Variants in RALGAPA1 observed in about 807,000 individuals in gnomAD.
The protein encoded by RALGAPA1 is Ral GTPase activating protein catalytic subunit alpha 1, also known as ral GTPase-activating protein subunit alpha-1.
In RALGAPA1, 52 loss-of-function variants were observed where a neutral mutation model predicts 269.6. That is an observed-to-expected ratio of 0.19 (90% CI 0.15 to 0.24). The LOEUF is 0.24. RALGAPA1 is among the 10% of genes least tolerant of loss of function. RALGAPA1 has a pLI of 1.00. For missense variants in RALGAPA1, 1,917 were observed against 3,013.9 expected, an observed-to-expected ratio of 0.64 and a Z score of 8.52; for synonymous variants, 817 against 1,008.3, an observed-to-expected ratio of 0.81 and a Z score of 3.60.
At position 35,750,701 on chromosome 14, in the gene RALGAPA1, TA is replaced by T. The variant is rs2072601570; in HGVS notation, c.803-12del. On this transcript the variant is annotated splice_polypyrimidine_tract_variant and intron_variant, in intron 8 of 41. Coordinates refer to ENST00000680220, the MANE Select transcript of RALGAPA1 (RefSeq NM_001346249.2). ...TCATCTGCGGGATGTCTGTGCAAAA[TA>T]AAAGGAAGATGAAAACCAAAATAAG... 1.3e-6 allele frequency: 2 copies of T among 1,555,304 alleles called. No homozygotes were observed. The highest frequency in any genetic ancestry group is 2.8e-5 in the African/African-American group (2 of 72,040).
chr14:35,645,276 G>A (rs1433287292), intron 31 of RALGAPA1, among the ~76,000 whole-genome samples: 4 of 151,290 alleles, frequency 2.6e-5, no homozygotes, highest in African/African-American at 9.7e-5. Flanking sequence ...CATGACACTG[G>A]GCATTAGGAT....
At chr14:35,543,270 A>G (rs1005271398) in intron 41 of RALGAPA1, among the ~76,000 whole-genome samples, 1 of 152,240 alleles carries the variant, frequency 6.6e-6, no homozygotes, top group Admixed American at 6.5e-5. Context: ...ATTGGCACAT[A>G]GTAGGAGCAC....
chr14:35,698,915 CA>C (rs971420609), intron 17 of RALGAPA1, among the ~76,000 whole-genome samples: 2 of 152,102 alleles, frequency 1.3e-5, no homozygotes, highest in South Asian at 4.1e-4. Context: ...TCATACGTAA[CA>C]AAATTGTGTG....
chr14:35,800,898 G>A (rs754089033), intron 1 of RALGAPA1, among the ~76,000 whole-genome samples: 1 of 151,922 alleles, frequency 6.6e-6, no homozygotes, highest in East Asian at 1.9e-4. Flanking sequence ...CCAGCTACTC[G>A]GGAGGCTGAG....
chr14:35,663,955 A>T lies in RALGAPA1; in HGVS notation c.5328+687T>A, dbSNP rs115620928. 6.4e-4 allele frequency among the ~76,000 whole-genome samples: 98 copies of T among 152,260 alleles called. 1 individual carries two copies. Among genetic ancestry groups the T allele is most frequent in the Middle Eastern group, 3.4e-3 (1 of 294 alleles). ...AGGTCTCAGTAAGACACAGGTCTTAACTTATTGATGGAATTATTTATCAAC... is the reference window on the plus strand; with the variant it reads ...AGGTCTCAGTAAGACACAGGTCTTATCTTATTGATGGAATTATTTATCAAC... On this transcript the variant is annotated intron_variant, in intron 27 of 41. Coordinates refer to ENST00000680220, the MANE Select transcript of RALGAPA1 (RefSeq NM_001346249.2).
intron 20 of RALGAPA1, among the ~76,000 whole-genome samples, chr14:35,684,470 G>T (rs1175283129): frequency 2.0e-5 from 3 of 152,162 alleles, no homozygotes; most frequent in Non-Finnish European, 4.4e-5. Flanking sequence ...TCATAATCAT[G>T]ACTGGCTTTT....
At chr14:35,770,896 T>C (rs764116490) in intron 4 of RALGAPA1, 46 bp downstream of exon 4, 1 of 734,034 alleles carries the variant, frequency 1.4e-6, no homozygotes, top group Non-Finnish European at 2.2e-6. Flanking sequence ...ATTTTTCATA[T>C]ATTATCCTTT....
rs186164034 is a variant in RALGAPA1 at position 35,725,679 on chromosome 14, C to G, written c.1737-526G>C. Among the ~76,000 whole-genome samples the G allele has an allele frequency of 4.0e-5, 6 of 150,258 alleles. No homozygotes were observed. The East Asian group carries it at 1.2e-3, about 29-fold the overall frequency. On this transcript the variant is annotated intron_variant, in intron 13 of 41. Transcript: ENST00000680220. ...TTAATAGATCACAAAGAAGCCTGGG[C>G]AACACAGCAAGCCTTGTCTCTCAAA...
intron 28 of RALGAPA1, 42 bp from the exon 29 acceptor site, chr14:35,655,957 C>T (rs756608555): frequency 1.9e-6 from 3 of 1,611,158 alleles, no homozygotes; most frequent in South Asian, 2.2e-5. Context: ...AAAATGAAAC[C>T]ACCACCACAA....
chr14:35,745,418 G>GAC (rs1336499336), intron 10 of RALGAPA1, among the ~76,000 whole-genome samples: 3 of 116,008 alleles, frequency 2.6e-5, no homozygotes, highest in East Asian at 2.8e-4. Context: ...CAGACACACA[G>GAC]ACAGACACAC....
chr14:35,693,676 G>A (rs563551066), intron 17 of RALGAPA1, among the ~76,000 whole-genome samples: 16 of 151,938 alleles, frequency 1.1e-4, no homozygotes, highest in African/African-American at 3.6e-4. Flanking sequence ...CAATAAAAAC[G>A]TTGTTTTCAA....
intron 1 of RALGAPA1, among the ~76,000 whole-genome samples, chr14:35,801,115 T>C (rs1189028726): frequency 3.7e-5 from 5 of 133,494 alleles, no homozygotes; most frequent in Admixed American, 1.5e-4. Context: ...AACCAAAAGA[T>C]AGTTCTTTTA....
intron 27 of RALGAPA1, among the ~76,000 whole-genome samples, chr14:35,659,583 A>C (rs1207089209): frequency 1.3e-5 from 2 of 152,106 alleles, no homozygotes; most frequent in Admixed American, 1.3e-4. Flanking sequence ...AACATTTCCA[A>C]AATATTGAAG....
chr14:35,647,263 T>C (rs2062496965), intron 31 of RALGAPA1, among the ~76,000 whole-genome samples: 1 of 152,248 alleles, frequency 6.6e-6, no homozygotes, highest in Admixed American at 6.5e-5. Context: ...GCTTTATTTT[T>C]ATTGAATTTA....
chr14:35,730,070 C>T lies in RALGAPA1; in HGVS notation c.1588-1560G>A, dbSNP rs534212722. 3.1e-4 allele frequency among the ~76,000 whole-genome samples: 47 copies of T among 152,270 alleles called. No individual in the cohort carries two copies. The South Asian group carries it at 5.0e-3, about 16-fold the overall frequency. On this transcript the variant is annotated intron_variant, in intron 12 of 41. Transcript: ENST00000680220. ...ACTCCAAATGCTGTGAGTGCCCAAA[C>T]GGCAGAAGTGGGAAATGGAGATCCT... is the stretch of plus-strand genomic sequence containing the variant.
chr14:35,740,794 G>T (rs2071478870), intron 11 of RALGAPA1, among the ~76,000 whole-genome samples: 1 of 151,978 alleles, frequency 6.6e-6, no homozygotes, highest in South Asian at 2.1e-4. Flanking sequence ...GGCGACAGAG[G>T]AAAACCTTGT....
In RALGAPA1 at chr14:35,689,240, T is replaced by C; in HGVS notation, c.3171A>G (p.Lys1057=). 2 of 1,232,408 alleles carry C rather than the reference T, an allele frequency of 1.6e-6. No individual in the cohort carries two copies. The highest frequency in any genetic ancestry group is 6.3e-5 in the East Asian group (2 of 31,708). 76.3% of individuals were successfully genotyped at this position (1,232,408 alleles called of 1,614,324 possible). A position where few individuals can be genotyped will look rare whatever the true frequency, so the allele number is the denominator to read the frequency against. Reference sequence around the variant, plus strand: ...GTCTGTACAGATGTTTCCTTTTTTCTTTATCACAAGGGCTATCTAAACTAG... The same window carrying C: ...GTCTGTACAGATGTTTCCTTTTTTCCTTATCACAAGGGCTATCTAAACTAG... ...SEPSLDSPCD[K]EKRKHLYRQA... The change falls in exon 18 of 42, where the codon AAA becomes AAG. Residue 1057 remains lysine, a synonymous_variant. Coordinates refer to ENST00000680220, the MANE Select transcript of RALGAPA1 (RefSeq NM_001346249.2).
At chr14:35,745,748 CACGAGACTCCATCTCAAAAAAAAAAAAA>C (rs1315250867) in intron 10 of RALGAPA1, among the ~76,000 whole-genome samples, 1 of 115,838 alleles carries the variant, frequency 8.6e-6, no homozygotes, top group African/African-American at 3.5e-5. Flanking sequence ...TGGGTGACAG[CACGAGACTCCATCTCAAAAAAAAAAAAA>C]AAAAAAAAAA....
chr14:35,726,971 T>A (rs2069985013), intron 13 of RALGAPA1, among the ~76,000 whole-genome samples: 1 of 152,092 alleles, frequency 6.6e-6, no homozygotes, highest in Non-Finnish European at 1.5e-5. Context: ...AGAAAATATG[T>A]GTAAAGTGCT....
Sources: gnomAD v4.1 joint callset for allele counts (sites outside exome capture counted in the v4.1 genomes callset) on GRCh38, gnomAD v4.1.1 for gene constraint, MANE v1.5 for transcripts, NCBI Gene and HGNC (gene_info 2026-07-23, HGNC 2026-07-21) for gene names.